SVIL: variants seen among roughly 807,000 people sequenced by gnomAD.
The protein encoded by SVIL is supervillin.
A neutral mutation model predicts 240.4 loss-of-function variants in SVIL; 101 were observed. The ratio of observed to expected loss-of-function variants is 0.42; its 90% CI spans 0.36 to 0.50. The LOEUF is 0.50. Ranked by LOEUF, SVIL falls within the 20% of genes least tolerant of loss-of-function variation. The pLI, the probability that SVIL is intolerant of heterozygous loss-of-function variation, is 0.01. For missense variants in SVIL, 2,512 were observed against 2,818.7 expected, an observed-to-expected ratio of 0.89 and a Z score of 2.46; for synonymous variants, 999 against 1,100.0, an observed-to-expected ratio of 0.91 and a Z score of 1.82.
intron 17 of SVIL, among the ~76,000 whole-genome samples, chr10:29,510,184 C>CT (rs1211606668): frequency 6.6e-6 from 1 of 152,218 alleles, no homozygotes; most frequent in African/African-American, 2.4e-5. Context: ...GGCCATTGAG[C>CT]TTGGCTCCAA....
At chr10:29,511,538 G>A (rs867803137) in intron 17 of SVIL, among the ~76,000 whole-genome samples, 1 of 151,806 alleles carries the variant, frequency 6.6e-6, no homozygotes, top group Non-Finnish European at 1.5e-5. Flanking sequence ...TAAAGTTTGC[G>A]GGTAGCAGGG....
intron 16 of SVIL, among the ~76,000 whole-genome samples, chr10:29,517,925 C>T (rs1027507747): frequency 1.1e-4 from 17 of 152,234 alleles, no homozygotes; most frequent in African/African-American, 3.6e-4. Context: ...TTATTTAATT[C>T]GCAATGTTTC....
At chr10:29,537,164 C>G (rs1451306367) in intron 6 of SVIL, among the ~76,000 whole-genome samples, 1 of 152,040 alleles carries the variant, frequency 6.6e-6, no homozygotes, top group Admixed American at 6.6e-5. Context: ...TTTTTAGTTG[C>G]TATTACACAT....
intron 2 of SVIL, among the ~76,000 whole-genome samples, chr10:29,663,952 C>T (rs1261640942): frequency 6.6e-6 from 1 of 152,194 alleles, no homozygotes; most frequent in African/African-American, 2.4e-5. Flanking sequence ...GAACCACAAT[C>T]CTCCCTGGTG....
At chr10:29,562,633 C>T (rs1408538349) in intron 3 of SVIL, among the ~76,000 whole-genome samples, 2 of 151,928 alleles carry the variant, frequency 1.3e-5, no homozygotes, top group Non-Finnish European at 2.9e-5. Context: ...TGGTGGTGGG[C>T]GCCTGTAGTC....
chr10:29,581,601 C>A (rs1955949385), intron 1 of SVIL, among the ~76,000 whole-genome samples: 1 of 152,132 alleles, frequency 6.6e-6, no homozygotes, highest in African/African-American at 2.4e-5. Context: ...CTTCAGAATT[C>A]TTTTTTAAAG....
intron 17 of SVIL, among the ~76,000 whole-genome samples, chr10:29,511,408 C>G (rs1949826707): frequency 7.2e-6 from 1 of 138,840 alleles, no homozygotes. Context: ...TCTGCACCTT[C>G]CAAAATGATG....
intron 3 of SVIL, 147 bp from the exon 4 acceptor site, chr10:29,555,255 T>C: frequency 1.2e-6 from 1 of 801,908 alleles, no homozygotes; most frequent in Non-Finnish European, 1.9e-6. Context: ...AAGTTCCTGC[T>C]TTCTTGGAAA....
chr10:29,537,712 A>G (rs764176002), intron 6 of SVIL, among the ~76,000 whole-genome samples: 7 of 152,244 alleles, frequency 4.6e-5, no homozygotes, highest in Non-Finnish European at 1.0e-4. Flanking sequence ...AATTTTCTAA[A>G]ATCATTTTGG....
At chr10:29,669,755 G>T (rs1334482281) in intron 2 of SVIL, among the ~76,000 whole-genome samples, 1 of 152,166 alleles carries the variant, frequency 6.6e-6, no homozygotes, top group African/African-American at 2.4e-5. Flanking sequence ...AAGCAGGTTA[G>T]CAGCCACCTG....
At chr10:29,540,662 T>G (rs1447732147) in intron 6 of SVIL, among the ~76,000 whole-genome samples, 1 of 151,992 alleles carries the variant, frequency 6.6e-6, no homozygotes, top group Non-Finnish European at 1.5e-5. Flanking sequence ...AAGAATGAGG[T>G]TGGGATGCCA....
At chr10:29,707,919 C>T (rs1430751352) in intron 1 of SVIL, among the ~76,000 whole-genome samples, 2 of 152,056 alleles carry the variant, frequency 1.3e-5, no homozygotes, top group African/African-American at 4.8e-5. Flanking sequence ...GTGATTTAAA[C>T]TCATGTAGTC....
rs183021442 is a variant in SVIL at position 29,525,072 on chromosome 10, C to T, written c.2343-357G>A. Among the ~76,000 whole-genome samples, 77 of 152,262 alleles carry T rather than the reference C, an allele frequency of 5.1e-4. No homozygotes were observed. In the East Asian group the frequency reaches 5.2e-3, roughly 10 times the overall value. On this transcript the variant is annotated intron_variant, in intron 13 of 37. Transcript: ENST00000355867. ...AAAGGGAGTCACAAAGTATTACCTA[C>T]GGTGTATTTAGACCTTATCTAAAGA...
intron 17 of SVIL, among the ~76,000 whole-genome samples, chr10:29,505,540 G>C (rs116742430): frequency 1.8e-3 from 274 of 152,208 alleles, no homozygotes; most frequent in African/African-American, 6.5e-3. Flanking sequence ...GTGATGAGCA[G>C]GCAGAGCACA....
chr10:29,604,323 C>T (rs1468924475), intron 1 of SVIL, among the ~76,000 whole-genome samples: 1 of 142,792 alleles, frequency 7.0e-6, no homozygotes, highest in Non-Finnish European at 1.5e-5. Flanking sequence ...CCTCAGACAC[C>T]TAAGTAGCTG....
At chr10:29,708,021 G>A (rs1467602060) in intron 1 of SVIL, among the ~76,000 whole-genome samples, 32 of 151,994 alleles carry the variant, frequency 2.1e-4, no homozygotes, top group Non-Finnish European at 2.9e-5. Flanking sequence ...ACTTTGGGAG[G>A]CCGAGGCAGG....
intron 3 of SVIL, among the ~76,000 whole-genome samples, chr10:29,655,234 G>A (rs1958959965): frequency 6.6e-6 from 1 of 152,178 alleles, no homozygotes; most frequent in East Asian, 1.9e-4. Flanking sequence ...GAAGAGAGAA[G>A]CTGGTAGTGG....
intron 16 of SVIL, among the ~76,000 whole-genome samples, chr10:29,518,180 G>C (rs1307490449): frequency 2.0e-5 from 3 of 152,168 alleles, no homozygotes; most frequent in Non-Finnish European, 2.9e-5. Context: ...TGGAGGTCAG[G>C]AGTTTGACAC....
chr10:29,559,017 A>C (rs1954206010), intron 3 of SVIL, among the ~76,000 whole-genome samples: 1 of 149,722 alleles, frequency 6.7e-6, no homozygotes, highest in Admixed American at 6.7e-5. Context: ...TTATATTATT[A>C]ATCATATAAA....
Sources: gnomAD v4.1 joint callset for allele counts (sites outside exome capture counted in the v4.1 genomes callset) on GRCh38, gnomAD v4.1.1 for gene constraint, MANE v1.5 for transcripts, NCBI Gene and HGNC (gene_info 2026-07-23, HGNC 2026-07-21) for gene names.